PTPRH: variants seen among roughly 807,000 people sequenced by gnomAD.
PTPRH encodes the protein receptor-type tyrosine-protein phosphatase H.
PTPRH carries 113 observed loss-of-function variants against 130.2 expected under a neutral mutation model. The observed-to-expected ratio is 0.87, with a 90% CI of 0.75 to 1.01. PTPRH has a LOEUF of 1.01. Ranked by LOEUF, PTPRH falls within the 50% of genes least tolerant of loss-of-function variation. The probability of loss-of-function intolerance (pLI) is 0.00; values close to 1 mark genes in which losing one functional copy is unlikely to be tolerated. For missense variants in PTPRH, 1,430 were observed against 1,425.0 expected, an observed-to-expected ratio of 1.00 and a Z score of -0.06; for synonymous variants, 556 against 577.9, an observed-to-expected ratio of 0.96 and a Z score of 0.54.
chr19:55,185,424 A>C, intron 18 of PTPRH, 78 bp downstream of exon 18: 5 of 1,513,794 alleles, frequency 3.3e-6, no homozygotes, highest in African/African-American at 1.4e-5. Context: ...GTACGTTCCC[A>C]GGGTCCCGTC....
At chr19:55,183,180 G>A (rs2086224570) in intron 18 of PTPRH, among the ~76,000 whole-genome samples, 1 of 147,470 alleles carries the variant, frequency 6.8e-6, no homozygotes, top group African/African-American at 2.5e-5. Flanking sequence ...TGGATCACGA[G>A]GTCAGGAGAT....
Position 55,198,625 on chromosome 19 carries a change from G to C in PTPRH, c.1690+18C>G, listed in dbSNP as rs753852726. On this transcript the variant is annotated intron_variant, in intron 8 of 19. Coordinates refer to ENST00000376350, the MANE Select transcript of PTPRH (RefSeq NM_002842.5). ...CCCCATCCTAATAGGGCTGGGTTCAGAACCGACTGTGTCTCACCAGTGGCT... is the reference window on the plus strand; with the variant it reads ...CCCCATCCTAATAGGGCTGGGTTCACAACCGACTGTGTCTCACCAGTGGCT... The C allele has an allele frequency of 1.3e-6, 2 of 1,580,314 alleles. No individual in the cohort carries two copies. Among genetic ancestry groups the C allele is most frequent in the South Asian group, 2.3e-5 (2 of 85,874 alleles).
Position 55,203,927 on chromosome 19 carries a change from T to C in PTPRH, c.741A>G (p.Gly247=). 1 of 1,614,112 alleles carries C rather than the reference T, an allele frequency of 6.2e-7. No individual in the cohort carries two copies. Among genetic ancestry groups the C allele is most frequent in the Non-Finnish European group, 8.5e-7 (1 of 1,180,008 alleles). The change falls in exon 5 of 20, where the codon GGA becomes GGG. Residue 247 remains glycine, a synonymous_variant. Transcript: ENST00000376350. ...QNSTYCVQCT[G]DGGRTETRNT... is the part of the protein sequence containing the mutation. ...TTCGAGTCTCTGTTCTGCCACCATCTCCAGTGCACTGAACGCAGTAGGTCG... is the reference window on the plus strand; with the variant it reads ...TTCGAGTCTCTGTTCTGCCACCATCCCCAGTGCACTGAACGCAGTAGGTCG...
At chr19:55,187,148 A>C (rs943524393) in intron 14 of PTPRH, among the ~76,000 whole-genome samples, 1 of 150,888 alleles carries the variant, frequency 6.6e-6, no homozygotes, top group Non-Finnish European at 1.5e-5. Flanking sequence ...GATCGAGACC[A>C]TCCTGGCTAA....
At position 55,196,735 on chromosome 19, in the gene PTPRH, C is replaced by T. The variant is rs142417273; in HGVS notation, c.2044G>A (p.Val682Ile). ...SCVSTSAGYG[V>I]NLIWSCPQGG... ...TGGGGGCAGGACCAGATCAAGTTGA[C>T]TCCATAGCCCGCTGAGGTGCTGACA... Residue 682 changes from valine to isoleucine, a missense_variant, in exon 10 of 20, where the codon GTC becomes ATC. Coordinates refer to ENST00000376350, the MANE Select transcript of PTPRH (RefSeq NM_002842.5). 9 of 1,614,162 alleles carry T rather than the reference C, an allele frequency of 5.6e-6. No homozygotes were observed. The African/African-American group carries it at 1.2e-4, about 22-fold the overall frequency.
rs188789486 is a variant in PTPRH at position 55,191,158 on chromosome 19, T to C, written c.2384+343A>G. Reference sequence around the variant, plus strand: ...CACCCAGCAATCTTGTTTATTGATATCTCCTGTACTAGAATATAAGCCCCT... The same window carrying C: ...CACCCAGCAATCTTGTTTATTGATACCTCCTGTACTAGAATATAAGCCCCT... On this transcript the variant is annotated intron_variant, in intron 12 of 19. Transcript: ENST00000376350. Among the ~76,000 whole-genome samples the C allele has an allele frequency of 2.0e-5, 3 of 152,226 alleles. No homozygotes were observed. The East Asian group carries it at 5.8e-4, about 29-fold the overall frequency.
rs760605723 is a variant in PTPRH at position 55,196,538 on chromosome 19, G to T, written c.2241C>A (p.Cys747Ter). ...GMKVVSHSVV[C>*]HTESAGVIAG... The stretch of plus-strand genomic sequence containing the variant: ...TCCGCTCACCTGCACTCTCGGTGTG[G>T]CAGACCACAGAGTGAGACACGACCT... The change falls in exon 10 of 20, where the codon TGC becomes TGA. Residue 747 changes from cysteine to a stop codon, truncating the protein, a stop_gained. Transcript: ENST00000376350. LOFTEE classifies it high-confidence loss of function. 1.2e-6 allele frequency: 2 copies of T among 1,611,570 alleles called. No individual in the cohort carries two copies.
chr19:55,205,341 G>C lies in PTPRH; in HGVS notation c.604C>G (p.Arg202Gly), dbSNP rs142263222. ...TGCCTCTCACCTGTGGTGGCATTTC[G>C]AGTCTCCCGGGAGCTGTTGATTCCA... Reference protein sequence around the residue: ...KNGINSSRETRNATTAHNPVR... With the variant: ...KNGINSSRETGNATTAHNPVR... The change falls in exon 4 of 20, where the codon CGA becomes GGA. Residue 202 changes from arginine to glycine, a missense_variant. Transcript: ENST00000376350. 1 of 1,614,166 alleles carries C rather than the reference G, an allele frequency of 6.2e-7. No homozygotes were observed. The highest frequency in any genetic ancestry group is 2.2e-5 in the East Asian group (1 of 44,888).
intron 6 of PTPRH, among the ~76,000 whole-genome samples, chr19:55,201,371 CA>C (rs2086858734): frequency 6.6e-6 from 1 of 152,080 alleles, no homozygotes; most frequent in Non-Finnish European, 1.5e-5. Flanking sequence ...AGCGAGACTC[CA>C]GCTCTAAAAA....
In PTPRH at chr19:55,203,932, T is replaced by C. The variant is rs1461249416; in HGVS notation, c.736A>G (p.Thr246Ala). The stretch of plus-strand genomic sequence containing the variant: ...GTCTCTGTTCTGCCACCATCTCCAG[T>C]GCACTGAACGCAGTAGGTCGAGTTC... ...PQNSTYCVQC[T>A]GDGGRTETRN... The change falls in exon 5 of 20, where the codon ACT becomes GCT. Residue 246 changes from threonine (T) to alanine (A), a missense_variant. Transcript: ENST00000376350. 6.2e-7 allele frequency: 1 copy of C among 1,614,192 alleles called. No individual in the cohort carries two copies. The highest frequency in any genetic ancestry group is 1.7e-5 in the Admixed American group (1 of 60,012).
At chr19:55,186,950 C>T (rs945942827) in intron 14 of PTPRH, among the ~76,000 whole-genome samples, 7 of 151,042 alleles carry the variant, frequency 4.6e-5, no homozygotes, top group East Asian at 1.9e-4. Flanking sequence ...GAGGCTGAGG[C>T]GGGAGGATTG....
intron 5 of PTPRH, among the ~76,000 whole-genome samples, chr19:55,202,896 A>G (rs1687417371): frequency 6.6e-6 from 1 of 152,000 alleles, no homozygotes; most frequent in African/African-American, 2.4e-5. Flanking sequence ...AAAGTTAGCC[A>G]GGTATGGTGG....
chr19:55,185,411 C>T, intron 18 of PTPRH, 91 bp downstream of exon 18: 5 of 1,424,330 alleles, frequency 3.5e-6, no homozygotes, highest in Middle Eastern at 2.4e-4. Flanking sequence ...CTTCACCTCC[C>T]CTGTACGTTC....
At position 55,191,650 on chromosome 19, in the gene PTPRH, T is replaced by C; in HGVS notation, c.2336+13A>G. Reference sequence around the variant, plus strand: ...CCCACCCTCCAGGCGGTCAGCCCTGTGCTGAGTCTCACCTCCTCTTCAGGA... The same window carrying C: ...CCCACCCTCCAGGCGGTCAGCCCTGCGCTGAGTCTCACCTCCTCTTCAGGA... On this transcript the variant is annotated intron_variant, in intron 11 of 19. Transcript: ENST00000376350. The C allele has an allele frequency of 1.2e-6, 2 of 1,613,590 alleles. No individual in the cohort carries two copies. The highest frequency in any genetic ancestry group is 1.7e-6 in the Non-Finnish European group (2 of 1,179,516).
chr19:55,185,806 C>G (rs1467793705), intron 17 of PTPRH, 56 bp downstream of exon 17: 1 of 1,612,568 alleles, frequency 6.2e-7, no homozygotes, highest in Non-Finnish European at 8.5e-7. Context: ...GTCCTGGATG[C>G]ATGGCATATG....
rs2086734492 is a variant in PTPRH at position 55,197,831 on chromosome 19, AG to A, written c.1691-416del. The stretch of plus-strand genomic sequence containing the variant: ...TTTCTTTCCCACAGGAACCCCAGGT[AG>A]GGTGTCTTCTCACTCTAGACACACC... On this transcript the variant is annotated intron_variant, in intron 8 of 19. Transcript: ENST00000376350. Among the ~76,000 whole-genome samples, 20 of 152,272 alleles carry A rather than the reference AG, an allele frequency of 1.3e-4. No homozygotes were observed. In the South Asian group the frequency reaches 4.1e-3, roughly 32 times the overall value.
At chr19:55,182,247 T>G in intron 18 of PTPRH, 96 bp from the exon 19 acceptor site, 1 of 1,375,032 alleles carries the variant, frequency 7.3e-7, no homozygotes, top group Non-Finnish European at 1.0e-6. Flanking sequence ...ATGATGACAA[T>G]AACTATGCCT....
chr19:55,209,375 G>A lies in PTPRH; in HGVS notation c.51+8C>T, dbSNP rs2087169207. 1.3e-6 allele frequency: 2 copies of A among 1,560,792 alleles called. No individual in the cohort carries two copies. The highest frequency in any genetic ancestry group is 1.9e-5 in the Admixed American group (1 of 51,884). ...CTTGGGAGCCCGCTCTGGGCGGGGA[G>A]CACTTACCAGCAGCACCAGGTTCCC... On this transcript the variant is annotated splice_region_variant and intron_variant, in intron 1 of 19. Coordinates refer to ENST00000376350, the MANE Select transcript of PTPRH (RefSeq NM_002842.5). The surrounding 1 kb of genome is among the most constrained non-coding windows in gnomAD (Gnocchi z 4.1).
intron 10 of PTPRH, among the ~76,000 whole-genome samples, chr19:55,192,873 T>G (rs1034656282): frequency 2.0e-5 from 3 of 151,812 alleles, no homozygotes; most frequent in African/African-American, 7.3e-5. Flanking sequence ...TTTTCTACTG[T>G]GTAGGGGACA....
Sources: gnomAD v4.1 joint callset for allele counts (sites outside exome capture counted in the v4.1 genomes callset) on GRCh38, gnomAD v4.1.1 for gene constraint, Gnocchi (gnomAD v3.1) non-coding constraint, MANE v1.5 for transcripts, NCBI Gene and HGNC (gene_info 2026-07-23, HGNC 2026-07-21) for gene names.